FSIP2: variants seen among roughly 807,000 people sequenced by gnomAD.
FSIP2 encodes fibrous sheath-interacting protein 2.
FSIP2 carries 367 observed loss-of-function variants against 510.5 expected under a neutral mutation model. The observed-to-expected ratio is 0.72, with a 90% CI of 0.66 to 0.78. The LOEUF is 0.78. FSIP2 is among the 30% of genes least tolerant of loss of function. The probability of loss-of-function intolerance (pLI) is 0.00; values close to 1 mark genes in which losing one functional copy is unlikely to be tolerated. For synonymous variants in FSIP2, 2,601 were observed against 2,732.2 expected (o/e 0.95, Z 1.50); for missense variants, 7,594 against 7,901.7 (o/e 0.96, Z 1.48).
rs1177174284 is a variant in FSIP2, at chr2:185,797,145, G to A, written c.10009G>A (p.Val3337Met). The A allele has an allele frequency of 6.5e-7, 1 of 1,534,938 alleles. No homozygotes were observed. Residue 3337 changes from valine to methionine, a missense_variant, in exon 16 of 23, where the codon GTG becomes ATG. Transcript: ENST00000424728. ...CLAAENIVNT[V>M]LSSCGFPSQP... ...AGCTGCAGAAAATATTGTCAATACT[G>A]TGCTATCCAGCTGTGGCTTTCCAAG...
At chr2:185,814,264 A>G (rs1248855527) in intron 18 of FSIP2, among the ~76,000 whole-genome samples, 2 of 152,112 alleles carry the variant, frequency 1.3e-5, no homozygotes, top group African/African-American at 4.8e-5. Context: ...TAGAATCCCA[A>G]AGAAAAGAGA....
intron 14 of FSIP2, 50 bp downstream of exon 14, chr2:185,782,812 A>G (rs1474526721): frequency 2.1e-6 from 2 of 934,410 alleles, no homozygotes; most frequent in Non-Finnish European, 1.7e-6. Context: ...TAATGATTAC[A>G]TAAGAGTGCT....
At chr2:185,777,983 C>T (rs1156554407) in intron 13 of FSIP2, among the ~76,000 whole-genome samples, 1 of 151,892 alleles carries the variant, frequency 6.6e-6, no homozygotes, top group Non-Finnish European at 1.5e-5. Flanking sequence ...AGTTTTTGTT[C>T]TTTTAGTGAG....
chr2:185,768,159 T>C (rs1170923059), intron 13 of FSIP2, among the ~76,000 whole-genome samples: 1 of 152,138 alleles, frequency 6.6e-6, no homozygotes, highest in East Asian at 1.9e-4. Flanking sequence ...TTTTATATGC[T>C]TGGGATAATA....
rs2105625844 is a variant in FSIP2, at chr2:185,795,891, G to C, written c.8755G>C (p.Glu2919Gln). 6.5e-7 allele frequency: 1 copy of C among 1,533,400 alleles called. No individual in the cohort carries two copies. The highest frequency in any genetic ancestry group is 1.4e-5 in the African/African-American group (1 of 72,892). 95.0% of individuals were successfully genotyped at this position (1,533,400 alleles called of 1,614,324 possible). Residue 2919 changes from glutamate (E) to glutamine (Q), a missense_variant, in exon 16 of 23, where the codon GAA (glutamate) becomes CAA (glutamine). By Grantham distance (29) the Glu-to-Gln change is conservative. Transcript: ENST00000424728. Reference sequence around the variant, plus strand: ...AGCACAAATTAATATGTTTGGAAGGGAAATTGTTGAAATGCTACTTGAAAA... The same window carrying C: ...AGCACAAATTAATATGTTTGGAAGGCAAATTGTTGAAATGCTACTTGAAAA... ...TKAQINMFGREIVEMLLEKLQ... is the reference protein window; with the variant it reads ...TKAQINMFGRQIVEMLLEKLQ...
rs1318345196 is a variant in FSIP2 at position 185,793,755 on chromosome 2, A to T, written c.6619A>T (p.Thr2207Ser). Residue 2207 changes from threonine (T) to serine (S), a missense_variant, in exon 16 of 23, where the codon ACT (threonine) becomes TCT (serine). Coordinates refer to ENST00000424728, the MANE Select transcript of FSIP2 (RefSeq NM_173651.4). Reference protein sequence around the residue: ...DCQQPLKGSKTERKTERFSYS... With the variant: ...DCQQPLKGSKSERKTERFSYS... ...TCAACAGCCTCTTAAGGGGTCAAAA[A>T]CTGAAAGAAAAACAGAGCGTTTTTC... 14 of 1,533,274 alleles carry T rather than the reference A, an allele frequency of 9.1e-6. No homozygotes were observed. The highest frequency in any genetic ancestry group is 1.2e-5 in the Non-Finnish European group (14 of 1,145,426). 95.0% of individuals were successfully genotyped at this position (1,533,274 alleles called of 1,614,324 possible).
intron 21 of FSIP2, among the ~76,000 whole-genome samples, chr2:185,830,602 A>G (rs180830607): frequency 2.0e-3 from 302 of 152,020 alleles, no homozygotes; most frequent in Non-Finnish European, 3.4e-3. Context: ...GCACAATGTA[A>G]ATATTATGTA....
At chr2:185,830,411 T>C (rs907938155) in intron 21 of FSIP2, among the ~76,000 whole-genome samples, 2 of 151,900 alleles carry the variant, frequency 1.3e-5, no homozygotes, top group Non-Finnish European at 2.9e-5. Flanking sequence ...ATACATGTTT[T>C]CACATAACTT....
Position 185,790,245 on chromosome 2 carries a change from A to G in FSIP2, c.3109A>G (p.Thr1037Ala), listed in dbSNP as rs1234237079. Residue 1037 changes from threonine to alanine, a missense_variant, in exon 16 of 23, where the codon ACA (threonine) becomes GCA (alanine). Physicochemically the swap from Thr to Ala is moderately conservative, Grantham distance 58. Coordinates refer to ENST00000424728, the MANE Select transcript of FSIP2 (RefSeq NM_173651.4). ...AGAACAGATTCCTAATCATTGGTTTACAAAGGGAAACACTTGTTTTGAATG... is the reference window on the plus strand; with the variant it reads ...AGAACAGATTCCTAATCATTGGTTTGCAAAGGGAAACACTTGTTTTGAATG... Reference protein sequence around the residue: ...SQEQIPNHWFTKGNTCFECKR... With the variant: ...SQEQIPNHWFAKGNTCFECKR... 1.3e-6 allele frequency: 2 copies of G among 1,532,648 alleles called. No homozygotes were observed. The highest frequency in any genetic ancestry group is 1.7e-6 in the Non-Finnish European group (2 of 1,145,200). The allele number at this position is 1,532,648 out of a possible 1,614,324, so 94.9% of individuals were successfully genotyped here.
rs1434928042 is a variant in FSIP2, at chr2:185,805,196, A to G, written c.15890A>G (p.Asp5297Gly). Residue 5297 changes from aspartate (D) to glycine (G), a missense_variant, in exon 17 of 23, where the codon GAT becomes GGT. Transcript: ENST00000424728. ...TGTTCTCTCCTCATTATTACTGAAG[A>G]TTCTAAGAAAAATGAAATGGCAGAG... ...KFCSLLIITE[D>G]SKKNEMAELD... The G allele has an allele frequency of 8.7e-6, 14 of 1,604,792 alleles. No homozygotes were observed. The highest frequency in any genetic ancestry group is 1.1e-5 in the Non-Finnish European group (13 of 1,176,528).
intron 2 of FSIP2, 86 bp downstream of exon 2, chr2:185,739,557 A>T (rs1691880806): frequency 2.5e-6 from 3 of 1,217,702 alleles, no homozygotes; most frequent in African/African-American, 1.6e-5. Context: ...AAATTCATTA[A>T]AGGAATTTGC....
intron 14 of FSIP2, among the ~76,000 whole-genome samples, chr2:185,784,666 T>G (rs1311392565): frequency 6.6e-6 from 1 of 152,064 alleles, no homozygotes; most frequent in Non-Finnish European, 1.5e-5. Context: ...TTCAGGGTAT[T>G]ATTTTTCAAG....
chr2:185,807,739 G>C lies in FSIP2; in HGVS notation c.18433G>C (p.Glu6145Gln). The C allele has an allele frequency of 6.2e-7, 1 of 1,612,332 alleles. No homozygotes were observed. The highest frequency in any genetic ancestry group is 8.5e-7 in the Non-Finnish European group (1 of 1,179,126). Residue 6145 changes from glutamate (E) to glutamine (Q), a missense_variant, in exon 17 of 23, where the codon GAA (glutamate) becomes CAA (glutamine). Glu to Gln is a conservative substitution (Grantham distance 29, BLOSUM62 2). Transcript: ENST00000424728. ...CGELTPHQCVEVENIVEKILK... is the reference protein window; with the variant it reads ...CGELTPHQCVQVENIVEKILK... The stretch of plus-strand genomic sequence containing the variant: ...AGAGCTAACTCCACATCAGTGTGTG[G>C]AAGTTGAAAACATCGTTGAAAAGAT...
In FSIP2 at chr2:185,756,205, TA is replaced by T; in HGVS notation, c.1010del (p.Lys337ArgfsTer7). The part of the protein sequence containing the change: ...QDGTHASPKN[K>X]KKTSEDIMLV... ...TATTTCTTTAAGCTTCTCCAAAGAA[TA>T]AAAAGAAGACTTCTGAAGATATAAT... On this transcript the variant is annotated frameshift_variant, in exon 9 of 23. Coordinates refer to ENST00000424728, the MANE Select transcript of FSIP2 (RefSeq NM_173651.4). LOFTEE classifies it high-confidence loss of function. The T allele has an allele frequency of 7.8e-7, 1 of 1,286,556 alleles. No individual in the cohort carries two copies. Among genetic ancestry groups the T allele is most frequent in the Non-Finnish European group, 1.1e-6 (1 of 942,668 alleles). 79.7% of individuals were successfully genotyped at this position (1,286,556 alleles called of 1,614,324 possible).
In FSIP2 at chr2:185,738,938, C is replaced by G; in HGVS notation, c.44C>G (p.Ala15Gly). 6.5e-7 allele frequency: 1 copy of G among 1,534,566 alleles called. No individual in the cohort carries two copies. The highest frequency in any genetic ancestry group is 1.2e-5 in the South Asian group (1 of 83,998). ...GCCTGCTCCAAGCCTGCCAAAGTCGCCGTCACCAAGACGGTCGCCAGCGTC... is the reference window on the plus strand; with the variant it reads ...GCCTGCTCCAAGCCTGCCAAAGTCGGCGTCACCAAGACGGTCGCCAGCGTC... The part of the protein sequence containing the change: ...LGACSKPAKV[A>G]VTKTVASVLA... Residue 15 changes from alanine to glycine, a missense_variant, in exon 1 of 23, where the codon GCC becomes GGC. Ala to Gly is a moderately conservative substitution (Grantham distance 60). Coordinates refer to ENST00000424728, the MANE Select transcript of FSIP2 (RefSeq NM_173651.4).
At position 185,797,038 on chromosome 2, in the gene FSIP2, G is replaced by C. The variant is rs1183730214; in HGVS notation, c.9902G>C (p.Arg3301Thr). ...FIEMGKGENL[R>T]VFHYENLKPV... ...GAAATGGGAAAAGGTGAAAATCTAA[G>C]AGTGTTTCATTATGAGAACCTAAAA... Residue 3301 changes from arginine (R) to threonine (T), a missense_variant, in exon 16 of 23, where the codon AGA (arginine) becomes ACA (threonine). Arg to Thr is a moderately conservative substitution (Grantham distance 71, BLOSUM62 -1). Coordinates refer to ENST00000424728, the MANE Select transcript of FSIP2 (RefSeq NM_173651.4). 9.8e-6 allele frequency: 15 copies of C among 1,534,982 alleles called. No individual in the cohort carries two copies. In the East Asian group the frequency reaches 3.4e-4, roughly 35 times the overall value.
In FSIP2 at chr2:185,796,902, C is replaced by T. The variant is rs1343606331; in HGVS notation, c.9766C>T (p.Gln3256Ter). 3 of 1,534,868 alleles carry T rather than the reference C, an allele frequency of 2.0e-6. No homozygotes were observed. The highest frequency in any genetic ancestry group is 2.6e-6 in the Non-Finnish European group (3 of 1,146,248). ...PRESNFGSFD[Q>*]TMKGNSYLPE... ...GGAATCTAACTTTGGTAGTTTTGAT[C>T]AGACCATGAAAGGAAATAGCTACCT... Residue 3256 changes from glutamine (Q) to a stop codon, truncating the protein, a stop_gained, in exon 16 of 23, where the codon CAG becomes TAG. Transcript: ENST00000424728. LOFTEE classifies it high-confidence loss of function.
In FSIP2 at chr2:185,793,873, G is replaced by A; in HGVS notation, c.6737G>A (p.Cys2246Tyr). ...EDTQKSATDS[C>Y]EENANFITKT... ...ACTCAGAAATCTGCTACTGACTCAT[G>A]TGAGGAAAATGCTAACTTCATTACT... The change falls in exon 16 of 23, where the codon TGT becomes TAT. Residue 2246 changes from cysteine (C) to tyrosine (Y), a missense_variant. By Grantham distance (194) the Cys-to-Tyr change is radical (BLOSUM62 -2). Coordinates refer to ENST00000424728, the MANE Select transcript of FSIP2 (RefSeq NM_173651.4). 1 of 1,531,368 alleles carries A rather than the reference G, an allele frequency of 6.5e-7. No individual in the cohort carries two copies. Among genetic ancestry groups the A allele is most frequent in the Non-Finnish European group, 8.7e-7 (1 of 1,144,392 alleles). 94.9% of individuals were successfully genotyped at this position (1,531,368 alleles called of 1,614,324 possible).
chr2:185,792,756 T>C lies in FSIP2; in HGVS notation c.5620T>C (p.Phe1874Leu). Reference sequence around the variant, plus strand: ...GGAAAATAGGTATAAAACTATCACTTTTTCAGCAAATGTTTCTTCTCATGA... The same window carrying C: ...GGAAAATAGGTATAAAACTATCACTCTTTCAGCAAATGTTTCTTCTCATGA... ...VRENRYKTIT[F>L]SANVSSHEHT... Residue 1874 changes from phenylalanine to leucine, a missense_variant, in exon 16 of 23, where the codon TTT becomes CTT. Coordinates refer to ENST00000424728, the MANE Select transcript of FSIP2 (RefSeq NM_173651.4). The C allele has an allele frequency of 1.3e-6, 2 of 1,534,216 alleles. No individual in the cohort carries two copies. Among genetic ancestry groups the C allele is most frequent in the Non-Finnish European group, 1.7e-6 (2 of 1,145,640 alleles).
Sources: gnomAD v4.1 joint callset for allele counts (sites outside exome capture counted in the v4.1 genomes callset) on GRCh38, gnomAD v4.1.1 for gene constraint, MANE v1.5 for transcripts, NCBI Gene and HGNC (gene_info 2026-07-23, HGNC 2026-07-21) for gene names.